SESN3: variants seen among roughly 807,000 people sequenced by gnomAD.
SESN3 encodes the protein sestrin-3.
SESN3 carries 21 observed loss-of-function variants against 55.3 expected under a neutral mutation model. The observed-to-expected ratio is 0.38, with a 90% CI of 0.27 to 0.55. The LOEUF (loss-of-function observed/expected upper bound fraction) is 0.55, where lower values mean the gene tolerates loss of function less well. Among genes scored for constraint, SESN3 ranks in the 20% least tolerant of loss-of-function variants. The pLI, the probability that SESN3 is intolerant of heterozygous loss-of-function variation, is 0.76. For synonymous variants in SESN3, 181 were observed against 203.1 expected (o/e 0.89, Z 0.93); for missense variants, 408 against 604.3 (o/e 0.68, Z 3.41).
intron 1 of SESN3, among the ~76,000 whole-genome samples, chr11:95,199,267 T>A (rs1441688169): frequency 6.6e-6 from 1 of 152,138 alleles, no homozygotes; most frequent in Non-Finnish European, 1.5e-5. Flanking sequence ...ACTTTCTATG[T>A]GTCACTTGTA....
In SESN3 at chr11:95,216,085, G is replaced by A. The variant is rs570718697; in HGVS notation, c.78+14698C>T. Reference sequence around the variant, plus strand: ...TGCACTCCAGCCTGGGCAACAGAGAGAGACTCCATCTCAAAAAAAAAAAAG... The same window carrying A: ...TGCACTCCAGCCTGGGCAACAGAGAAAGACTCCATCTCAAAAAAAAAAAAG... On this transcript the variant is annotated intron_variant, in intron 1 of 9. Coordinates refer to ENST00000536441, the MANE Select transcript of SESN3 (RefSeq NM_144665.4). Among the ~76,000 whole-genome samples the A allele has an allele frequency of 2.4e-3, 312 of 131,358 alleles. 1 individual carries two copies. Among genetic ancestry groups the A allele is most frequent in the African/African-American group, 8.0e-3 (280 of 34,990 alleles). The allele number at this position is 131,358 out of a possible 152,430, so 86.2% of individuals were successfully genotyped here.
intron 1 of SESN3, among the ~76,000 whole-genome samples, chr11:95,198,283 T>G (rs1022915241): frequency 3.3e-5 from 5 of 150,708 alleles, no homozygotes; most frequent in African/African-American, 1.2e-4. Context: ...CATAAAAATG[T>G]AAAACACACA....
chr11:95,174,571 C>T (rs969631120), intron 9 of SESN3, among the ~76,000 whole-genome samples: 1 of 152,008 alleles, frequency 6.6e-6, no homozygotes, highest in African/African-American at 2.4e-5. Flanking sequence ...GCAACCTCTG[C>T]CTCCTGGGTT....
intron 1 of SESN3, among the ~76,000 whole-genome samples, chr11:95,198,457 G>C (rs1860403889): frequency 6.6e-6 from 1 of 151,978 alleles, no homozygotes; most frequent in South Asian, 2.1e-4. Flanking sequence ...ATATGCAGTG[G>C]CTGCACTAAT....
rs958044881 is a variant in SESN3, at chr11:95,181,767, G to A, written c.937+2653C>T. Reference sequence around the variant, plus strand: ...CATAGAATCTGGAATACTTTATAACGCTGGTCAAACCAAGACTTTTTTAAT... The same window carrying A: ...CATAGAATCTGGAATACTTTATAACACTGGTCAAACCAAGACTTTTTTAAT... On this transcript the variant is annotated intron_variant, in intron 6 of 9. Coordinates refer to ENST00000536441, the MANE Select transcript of SESN3 (RefSeq NM_144665.4). Among the ~76,000 whole-genome samples the A allele has an allele frequency of 9.2e-5, 14 of 151,934 alleles. No homozygotes were observed. In the South Asian group the frequency reaches 1.7e-3, roughly 18 times the overall value.
Position 95,175,479 on chromosome 11 carries a change from T to C in SESN3, c.1392+19A>G, listed in dbSNP as rs762941340. On this transcript the variant is annotated intron_variant, in intron 9 of 9. Coordinates refer to ENST00000536441, the MANE Select transcript of SESN3 (RefSeq NM_144665.4). ...TGAAGAACTGTCTATGGTATAATGC[T>C]TAATACTGAAACACGTACTTTTTCT... The C allele has an allele frequency of 6.2e-7, 1 of 1,607,500 alleles. No homozygotes were observed. The highest frequency in any genetic ancestry group is 8.5e-7 in the Non-Finnish European group (1 of 1,174,158).
At position 95,218,794 on chromosome 11, in the gene SESN3, G is replaced by T. The variant is rs1347954935; in HGVS notation, c.78+11989C>A. Among the ~76,000 whole-genome samples, 5 of 152,190 alleles carry T rather than the reference G, an allele frequency of 3.3e-5. No individual in the cohort carries two copies. In the East Asian group the frequency reaches 9.7e-4, roughly 29 times the overall value. ...GCCTCCAGCGTAGCTGGGACTACAG[G>T]CGCCCACCACCAAGCCCGCTAATTT... On this transcript the variant is annotated intron_variant, in intron 1 of 9. Transcript: ENST00000536441.
At chr11:95,174,201 A>C (rs1405149772) in intron 9 of SESN3, among the ~76,000 whole-genome samples, 1 of 152,222 alleles carries the variant, frequency 6.6e-6, no homozygotes, top group African/African-American at 2.4e-5. Flanking sequence ...TGCTAAGATC[A>C]TACAGTTTAT....
At chr11:95,184,033 AC>A (rs1233105443) in intron 6 of SESN3, 2 of 232,664 alleles carry the variant, frequency 8.6e-6, no homozygotes, top group Non-Finnish European at 1.6e-5. Flanking sequence ...CTTCCCACAC[AC>A]CCCCCACCTA....
Position 95,231,070 on chromosome 11 carries a change from G to C in SESN3, c.-210C>G, listed in dbSNP as rs894300316. 8 of 415,958 alleles carry C rather than the reference G, an allele frequency of 1.9e-5. No individual in the cohort carries two copies. Among genetic ancestry groups the C allele is most frequent in the Non-Finnish European group, 3.0e-5 (7 of 237,084 alleles). 25.8% of individuals were successfully genotyped at this position (415,958 alleles called of 1,614,324 possible). ...CGGCAGCTGCCCCAGCGACGGCGGAGACGGCGGCGGCTGCTCCTCACCGGC... is the reference window on the plus strand; with the variant it reads ...CGGCAGCTGCCCCAGCGACGGCGGACACGGCGGCGGCTGCTCCTCACCGGC... On this transcript the variant is annotated 5_prime_UTR_variant, in exon 1 of 10. Transcript: ENST00000536441.
chr11:95,173,879 G>A (rs1338641639), intron 9 of SESN3, among the ~76,000 whole-genome samples: 3 of 151,894 alleles, frequency 2.0e-5, no homozygotes, highest in Non-Finnish European at 4.4e-5. Flanking sequence ...CATTTCTTTC[G>A]GGGTTACATC....
rs779621821 is a variant in SESN3 at position 95,178,738 on chromosome 11, TCTC to T, written c.1025_1027del (p.Gly342del). Reference sequence around the variant, plus strand: ...AGCTCGGAATGTTGGCAAATGCTCTTCTCCTCGTCTGGCAAAGTCTTCATACCC... The same window carrying T: ...AGCTCGGAATGTTGGCAAATGCTCTTCTCGTCTGGCAAAGTCTTCATACCC... On this transcript the variant is annotated inframe_deletion, in exon 7 of 10. Coordinates refer to ENST00000536441, the MANE Select transcript of SESN3 (RefSeq NM_144665.4). The T allele has an allele frequency of 1.1e-5, 17 of 1,610,682 alleles. No homozygotes were observed. The highest frequency in any genetic ancestry group is 1.4e-5 in the Non-Finnish European group (17 of 1,177,032).
chr11:95,208,768 C>T (rs952514210), intron 1 of SESN3, among the ~76,000 whole-genome samples: 11 of 151,396 alleles, frequency 7.3e-5, no homozygotes, highest in Admixed American at 6.6e-5. Context: ...TAACGCCACA[C>T]ATCTACAACC....
chr11:95,166,619 C>A lies in SESN3; in HGVS notation c.*6636G>T, dbSNP rs1411361183. On this transcript the variant is annotated 3_prime_UTR_variant, in exon 10 of 10. Transcript: ENST00000536441. ...CATAAGTTAAAAGATGCGTCCAGTT[C>A]TTCCATGACCAGGAAAGTTATTTTC... 1.3e-5 allele frequency: 2 copies of A among 152,162 alleles called. No individual in the cohort carries two copies. Among genetic ancestry groups the A allele is most frequent in the Non-Finnish European group, 2.9e-5 (2 of 68,022 alleles). 9.4% of individuals were successfully genotyped at this position (152,162 alleles called of 1,614,324 possible). A position where few individuals can be genotyped will look rare whatever the true frequency, so the allele number is the denominator to read the frequency against.
chr11:95,193,563 T>C (rs901161677), intron 1 of SESN3, 41 bp from the exon 2 acceptor site: 1 of 1,098,236 alleles, frequency 9.1e-7, no homozygotes, highest in Non-Finnish European at 1.4e-6. Flanking sequence ...ATGATGACTT[T>C]CTAAGAAATG....
chr11:95,215,857 G>C (rs1219319284), intron 1 of SESN3, among the ~76,000 whole-genome samples: 1 of 152,142 alleles, frequency 6.6e-6, no homozygotes, highest in African/African-American at 2.4e-5. Flanking sequence ...CCAGCACTTT[G>C]GGAGGCCGAG....
chr11:95,179,391 T>C (rs964808990), intron 6 of SESN3, among the ~76,000 whole-genome samples: 4 of 152,146 alleles, frequency 2.6e-5, no homozygotes, highest in African/African-American at 9.7e-5. Context: ...CCTGACCTCG[T>C]GATCCACCCA....
intron 1 of SESN3, among the ~76,000 whole-genome samples, chr11:95,217,742 T>A (rs986752662): frequency 2.6e-5 from 4 of 152,078 alleles, no homozygotes; most frequent in African/African-American, 9.7e-5. Context: ...ACTGCACTAG[T>A]TATGTCATGG....
intron 1 of SESN3, chr11:95,204,899 C>T (rs530071025): frequency 1.2e-4 from 18 of 152,232 alleles, no homozygotes; most frequent in Admixed American, 8.5e-4. Context: ...GTGCTGACTT[C>T]AAGGAAATGC....
Sources: gnomAD v4.1 joint callset for allele counts (sites outside exome capture counted in the v4.1 genomes callset) on GRCh38, gnomAD v4.1.1 for gene constraint, MANE v1.5 for transcripts, NCBI Gene and HGNC (gene_info 2026-07-23, HGNC 2026-07-21) for gene names.